The following MDFIC2 variants were observed in gnomAD, a reference collection of about 807,000 sequenced individuals.
MDFIC2 encodes myoD family inhibitor domain-containing protein 2.
intron 2 of MDFIC2, among the ~76,000 whole-genome samples, chr3:70,276,932 C>G (rs1702032828): frequency 6.6e-6 from 1 of 152,076 alleles, no homozygotes; most frequent in African/African-American, 2.4e-5. Flanking sequence ...GAAATCCTCA[C>G]ATTAATAAAG....
intron 2 of MDFIC2, among the ~76,000 whole-genome samples, chr3:70,246,961 T>A (rs2106647066): frequency 6.6e-6 from 1 of 152,196 alleles, no homozygotes; most frequent in African/African-American, 2.4e-5. Flanking sequence ...GATGGAATAT[T>A]CATGAACAAT....
At chr3:70,205,969 T>C (rs1229296863) in intron 3 of MDFIC2, 2 of 152,006 alleles carry the variant, frequency 1.3e-5, no homozygotes, top group Admixed American at 6.6e-5. Context: ...GATTGTTTAT[T>C]TAGCACCAAA....
intron 2 of MDFIC2, among the ~76,000 whole-genome samples, chr3:70,296,018 A>G (rs1252918606): frequency 6.6e-6 from 1 of 152,202 alleles, no homozygotes; most frequent in Non-Finnish European, 1.5e-5. Context: ...ACTGTGGCTA[A>G]CATGCATTAA....
rs548012343 is a variant in MDFIC2, at chr3:70,262,310, C to T, written c.88+49576G>A. ...TAACTCTGAGTTTCCAAGGAGCCAA[C>T]GCAAAATAGAAAATGATGCATTGCT... On this transcript the variant is annotated intron_variant, in intron 2 of 3. Transcript: ENST00000567252. Among the ~76,000 whole-genome samples the T allele has an allele frequency of 7.2e-5, 11 of 152,224 alleles. No individual in the cohort carries two copies. The East Asian group carries it at 7.7e-4, about 11-fold the overall frequency.
intron 2 of MDFIC2, among the ~76,000 whole-genome samples, chr3:70,277,513 C>G (rs1470803917): frequency 6.6e-6 from 1 of 152,164 alleles, no homozygotes; most frequent in African/African-American, 2.4e-5. Flanking sequence ...AAGCTGATCT[C>G]TGAACGAACA....
intron 2 of MDFIC2, among the ~76,000 whole-genome samples, chr3:70,247,727 T>C (rs1190356636): frequency 6.6e-6 from 1 of 151,826 alleles, no homozygotes; most frequent in Non-Finnish European, 1.5e-5. Context: ...CATTTGCCAA[T>C]GCAATATAAA....
At chr3:70,274,630 G>T (rs762555451) in intron 2 of MDFIC2, among the ~76,000 whole-genome samples, 6 of 152,086 alleles carry the variant, frequency 3.9e-5, no homozygotes, top group Admixed American at 2.0e-4. Flanking sequence ...GTCCTGTTGG[G>T]GATGGAGCGG....
rs147544620 is a variant in MDFIC2 at position 70,257,261 on chromosome 3, A to C, written c.89-50471T>G. Among the ~76,000 whole-genome samples, 292 of 152,320 alleles carry C rather than the reference A, an allele frequency of 1.9e-3. 1 individual carries two copies. Among genetic ancestry groups the C allele is most frequent in the African/African-American group, 6.7e-3 (277 of 41,584 alleles). ...TCCTTAAAACCTGGCACATCTGGCCATTCAAAAAAGTTCAAGAATAGACTT... is the reference window on the plus strand; with the variant it reads ...TCCTTAAAACCTGGCACATCTGGCCCTTCAAAAAAGTTCAAGAATAGACTT... On this transcript the variant is annotated intron_variant, in intron 2 of 3. Transcript: ENST00000567252.
intron 2 of MDFIC2, among the ~76,000 whole-genome samples, chr3:70,303,637 A>G (rs907925820): frequency 6.6e-6 from 1 of 152,086 alleles, no homozygotes; most frequent in African/African-American, 2.4e-5. Flanking sequence ...CCCTTTTAAT[A>G]TTGCTGAATT....
chr3:70,253,083 G>GA (rs377641882), intron 2 of MDFIC2, among the ~76,000 whole-genome samples: 5,522 of 148,278 alleles, frequency 0.037, 342 homozygotes, highest in African/African-American at 0.13. Context: ...TTTGCTCAAA[G>GA]AAAAAAAAAA....
chr3:70,225,512 T>G (rs1002629362), intron 2 of MDFIC2, among the ~76,000 whole-genome samples: 3 of 152,202 alleles, frequency 2.0e-5, no homozygotes, highest in Non-Finnish European at 4.4e-5. Context: ...TTTCTATTAT[T>G]CTAGTTTAAG....
At chr3:70,265,797 A>C (rs1701911629) in intron 2 of MDFIC2, among the ~76,000 whole-genome samples, 2 of 152,172 alleles carry the variant, frequency 1.3e-5, no homozygotes, top group Non-Finnish European at 2.9e-5. Context: ...GATGGGAGGC[A>C]CCTCTTCACA....
chr3:70,233,137 C>G (rs1178996161), intron 2 of MDFIC2, among the ~76,000 whole-genome samples: 1 of 152,186 alleles, frequency 6.6e-6, no homozygotes, highest in Non-Finnish European at 1.5e-5. Flanking sequence ...TGCAGTGAGC[C>G]AAGATCGCGC....
intron 2 of MDFIC2, among the ~76,000 whole-genome samples, chr3:70,308,545 G>C (rs1197895352): frequency 3.3e-5 from 5 of 152,116 alleles, no homozygotes; most frequent in Non-Finnish European, 5.9e-5. Flanking sequence ...CCACTGATGT[G>C]AACAGGCCCA....
At chr3:70,311,651 A>G (rs1017055244) in intron 2 of MDFIC2, among the ~76,000 whole-genome samples, 10 of 152,212 alleles carry the variant, frequency 6.6e-5, no homozygotes, top group African/African-American at 2.4e-4. Context: ...TCTTACCAAC[A>G]AAGTAATCTA....
chr3:70,312,249 A>G (rs1255489053), intron 1 of MDFIC2, among the ~76,000 whole-genome samples: 1 of 152,234 alleles, frequency 6.6e-6, no homozygotes, highest in African/African-American at 2.4e-5. Context: ...ATAACAGATT[A>G]ACAACTAGCC....
At chr3:70,302,393 A>G (rs1365465137) in intron 2 of MDFIC2, among the ~76,000 whole-genome samples, 1 of 152,164 alleles carries the variant, frequency 6.6e-6, no homozygotes, top group Admixed American at 6.5e-5. Flanking sequence ...ATCTCTTTGT[A>G]GAATTTACTA....
intron 2 of MDFIC2, among the ~76,000 whole-genome samples, chr3:70,233,594 A>G (rs1248462995): frequency 6.6e-6 from 1 of 152,236 alleles, no homozygotes; most frequent in Non-Finnish European, 1.5e-5. Context: ...CAAAACAACA[A>G]ACATTTCCAT....
chr3:70,290,055 C>G (rs1249353930), intron 2 of MDFIC2, among the ~76,000 whole-genome samples: 1 of 152,204 alleles, frequency 6.6e-6, no homozygotes, highest in Non-Finnish European at 1.5e-5. Context: ...CTTCTTCTCT[C>G]AGCTCGTCAA....
Sources: gnomAD v4.1 joint callset for allele counts (sites outside exome capture counted in the v4.1 genomes callset) on GRCh38, gnomAD v4.1.1 for gene constraint, MANE v1.5 for transcripts, NCBI Gene and HGNC (gene_info 2026-07-23, HGNC 2026-07-21) for gene names.